Variants in ZNF891 observed in about 807,000 individuals in gnomAD.
ZNF891 encodes the protein zinc finger protein 891, also known as hCG1646157.
For missense variants in ZNF891, 589 were observed against 632.7 expected (o/e 0.93, Z 0.74); for synonymous variants, 199 against 209.0 (o/e 0.95, Z 0.41).
In ZNF891 at chr12:133,121,284, G is replaced by A. The variant is rs1392212014; in HGVS notation, c.635C>T (p.Thr212Ile). The A allele has an allele frequency of 2.6e-6, 4 of 1,535,568 alleles. No individual in the cohort carries two copies. The Admixed American group carries it at 5.9e-5, about 23-fold the overall frequency. The change falls in exon 2 of 2, where the codon ACC becomes ATC. Residue 212 changes from threonine (T) to isoleucine (I), a missense_variant. By Grantham distance (89) the Thr-to-Ile change is moderately conservative (BLOSUM62 -1). Transcript: ENST00000537226. Reference protein sequence around the residue: ...SKLIFSQSIFTSKHCQKCYSE... With the variant: ...SKLIFSQSIFISKHCQKCYSE... ...GTAACATTTTTGGCAATGTTTACTGGTGAAAATGCTCTGTGAAAAAATAAG... is the reference window on the plus strand; with the variant it reads ...GTAACATTTTTGGCAATGTTTACTGATGAAAATGCTCTGTGAAAAAATAAG...
rs539483908 is a variant in ZNF891 at position 133,110,479 on chromosome 12, T to G, written c.*9805A>C. ...TGCAGAAAGGCGACAGAACAACAGA[T>G]GCAATCAATATTAGTAAAGAATAGT... On this transcript the variant is annotated 3_prime_UTR_variant, in exon 2 of 2. Coordinates refer to ENST00000537226, the MANE Select transcript of ZNF891 (RefSeq NM_001277291.2). 1 of 152,318 alleles carries G rather than the reference T, an allele frequency of 6.6e-6. No individual in the cohort carries two copies. The highest frequency in any genetic ancestry group is 2.4e-5 in the African/African-American group (1 of 41,576). The allele number at this position is 152,318 out of a possible 1,614,324, so 9.4% of individuals were successfully genotyped here.
intron 1 of ZNF891, among the ~76,000 whole-genome samples, chr12:133,122,575 A>G (rs1056414241): frequency 6.6e-6 from 1 of 152,164 alleles, no homozygotes; most frequent in African/African-American, 2.4e-5. Context: ...CAGGGTGGGG[A>G]ACACGCACTG....
chr12:133,113,837 C>G lies in ZNF891; in HGVS notation c.*6447G>C, dbSNP rs1448997699. 1 of 152,184 alleles carries G rather than the reference C, an allele frequency of 6.6e-6. No individual in the cohort carries two copies. The highest frequency in any genetic ancestry group is 1.5e-5 in the Non-Finnish European group (1 of 68,114). 9.4% of individuals were successfully genotyped at this position (152,184 alleles called of 1,614,324 possible). On this transcript the variant is annotated 3_prime_UTR_variant, in exon 2 of 2. Transcript: ENST00000537226. ...ACTGCAGCTCAAGTGATCCTCCTAC[C>G]CCAGCATCCCTAGTGGCTGGGACCA...
At position 133,114,925 on chromosome 12, in the gene ZNF891, G is replaced by A. The variant is rs909785966; in HGVS notation, c.*5359C>T. The A allele has an allele frequency of 6.6e-6, 1 of 152,212 alleles. No homozygotes were observed. Among genetic ancestry groups the A allele is most frequent in the African/African-American group, 2.4e-5 (1 of 41,448 alleles). 9.4% of individuals were successfully genotyped at this position (152,212 alleles called of 1,614,324 possible). On this transcript the variant is annotated 3_prime_UTR_variant, in exon 2 of 2. Transcript: ENST00000537226. ...CTTTAGATGGATCACCCTGGGAAGT[G>A]TAGAGAACAGTTGATAGGAAAGCAC...
In ZNF891 at chr12:133,119,598, T is replaced by C. The variant is rs1955736470; in HGVS notation, c.*686A>G. On this transcript the variant is annotated 3_prime_UTR_variant, in exon 2 of 2. Coordinates refer to ENST00000537226, the MANE Select transcript of ZNF891 (RefSeq NM_001277291.2). ...ATGTAGGAACATATCCAGATACAAG[T>C]AGTGCAGGGCTGGTACAACTATTTA... 6.6e-6 allele frequency: 1 copy of C among 152,160 alleles called. No homozygotes were observed. Among genetic ancestry groups the C allele is most frequent in the African/African-American group, 2.4e-5 (1 of 41,448 alleles). 9.4% of individuals were successfully genotyped at this position (152,160 alleles called of 1,614,324 possible).
intron 1 of ZNF891, among the ~76,000 whole-genome samples, chr12:133,126,269 A>T (rs1251885576): frequency 1.3e-5 from 2 of 151,994 alleles, no homozygotes; most frequent in Non-Finnish European, 2.9e-5. Flanking sequence ...TGAGGTCAGG[A>T]GATCGAGACC....
intron 1 of ZNF891, among the ~76,000 whole-genome samples, chr12:133,122,709 T>C (rs1368587734): frequency 6.6e-6 from 1 of 152,198 alleles, no homozygotes; most frequent in East Asian, 1.9e-4. Flanking sequence ...CTGCGCATTC[T>C]GCACATGTAC....
chr12:133,105,665 C>A lies in ZNF891; in HGVS notation c.*14619G>T. On this transcript the variant is annotated 3_prime_UTR_variant, in exon 2 of 2. Coordinates refer to ENST00000537226, the MANE Select transcript of ZNF891 (RefSeq NM_001277291.2). ...GAAATGCAAGGATCATACTGAGATG[C>A]TGCAAGAAAATCAGGGATGTATTAG... The A allele has an allele frequency of 6.2e-7, 1 of 1,614,116 alleles. No homozygotes were observed. The highest frequency in any genetic ancestry group is 1.1e-5 in the South Asian group (1 of 91,082).
Position 133,106,329 on chromosome 12 carries a change from A to G in ZNF891, c.*13955T>C. On this transcript the variant is annotated 3_prime_UTR_variant, in exon 2 of 2. Coordinates refer to ENST00000537226, the MANE Select transcript of ZNF891 (RefSeq NM_001277291.2). ...TTCCTTATTAAACATCAGAGAATTC[A>G]TGCTGGAGAAAAGCTCTATGAATGT... The G allele has an allele frequency of 6.2e-7, 1 of 1,614,220 alleles. No homozygotes were observed. Among genetic ancestry groups the G allele is most frequent in the Non-Finnish European group, 8.5e-7 (1 of 1,180,030 alleles).
intron 1 of ZNF891, chr12:133,122,291 G>A (rs1389962679): frequency 1.1e-6 from 1 of 947,390 alleles, no homozygotes; most frequent in South Asian, 4.9e-5. Context: ...TTTTAAAAAT[G>A]TAAACTAAAG....
rs898714796 is a variant in ZNF891, at chr12:133,106,805, A to C, written c.*13479T>G. ...CTTTATTCACCACCCTGGAGAAAAA[A>C]AAACCCAGGAATATGTGGAAAAGCC... On this transcript the variant is annotated 3_prime_UTR_variant, in exon 2 of 2. Transcript: ENST00000537226. 5 of 603,098 alleles carry C rather than the reference A, an allele frequency of 8.3e-6. No individual in the cohort carries two copies. Among genetic ancestry groups the C allele is most frequent in the Non-Finnish European group, 1.3e-5 (5 of 387,632 alleles). 37.4% of individuals were successfully genotyped at this position (603,098 alleles called of 1,614,324 possible).
At chr12:133,124,551 T>C (rs768445081) in intron 1 of ZNF891, among the ~76,000 whole-genome samples, 1 of 151,654 alleles carries the variant, frequency 6.6e-6, no homozygotes, top group Non-Finnish European at 1.5e-5. Flanking sequence ...TCAAGAATAA[T>C]GTGTAAAACT....
In ZNF891 at chr12:133,114,221, G is replaced by C. The variant is rs1020222072; in HGVS notation, c.*6063C>G. On this transcript the variant is annotated 3_prime_UTR_variant, in exon 2 of 2. Transcript: ENST00000537226. ...AGGGAAGAGAGGAGAAGGACTAGGA[G>C]AGGGACATAATATAAATAACATTAA... 2 of 152,254 alleles carry C rather than the reference G, an allele frequency of 1.3e-5. No individual in the cohort carries two copies. The highest frequency in any genetic ancestry group is 4.8e-5 in the African/African-American group (2 of 41,470). The allele number at this position is 152,254 out of a possible 1,614,324, so 9.4% of individuals were successfully genotyped here. A position where few individuals can be genotyped will look rare whatever the true frequency, so the allele number is the denominator to read the frequency against.
intron 1 of ZNF891, 84 bp downstream of exon 1, chr12:133,130,143 C>T (rs994847682): frequency 2.0e-5 from 3 of 152,422 alleles, no homozygotes; most frequent in Middle Eastern, 3.1e-3. Flanking sequence ...GAGGCGATCC[C>T]TGCACGCAGG....
In ZNF891 at chr12:133,106,223, C is replaced by G; in HGVS notation, c.*14061G>C. Reference sequence around the variant, plus strand: ...GAAGGCATTTCGCCGTTTCTCACACCTTACTCGACATCAGAGCATCCATAC... The same window carrying G: ...GAAGGCATTTCGCCGTTTCTCACACGTTACTCGACATCAGAGCATCCATAC... On this transcript the variant is annotated 3_prime_UTR_variant, in exon 2 of 2. Coordinates refer to ENST00000537226, the MANE Select transcript of ZNF891 (RefSeq NM_001277291.2). The G allele has an allele frequency of 3.1e-6, 5 of 1,614,186 alleles. No individual in the cohort carries two copies. Among genetic ancestry groups the G allele is most frequent in the Non-Finnish European group, 4.2e-6 (5 of 1,180,020 alleles).
intron 1 of ZNF891, among the ~76,000 whole-genome samples, chr12:133,129,030 A>G (rs1955847113): frequency 6.6e-6 from 1 of 152,154 alleles, no homozygotes; most frequent in Admixed American, 6.5e-5. Context: ...CAATTACAGC[A>G]GTAAAATATT....
In ZNF891 at chr12:133,115,059, C is replaced by G. The variant is rs551832525; in HGVS notation, c.*5225G>C. The stretch of plus-strand genomic sequence containing the variant: ...ATAATCAAATACTAAGCAGCTATTA[C>G]AAATGAAATAGAACTACATGCACTG... On this transcript the variant is annotated 3_prime_UTR_variant, in exon 2 of 2. Transcript: ENST00000537226. The G allele has an allele frequency of 1.3e-5, 2 of 152,162 alleles. No individual in the cohort carries two copies. The highest frequency in any genetic ancestry group is 3.9e-4 in the East Asian group (2 of 5,176). 9.4% of individuals were successfully genotyped at this position (152,162 alleles called of 1,614,324 possible). A position where few individuals can be genotyped will look rare whatever the true frequency, so the allele number is the denominator to read the frequency against.
rs1316073911 is a variant in ZNF891, at chr12:133,120,716, C to T, written c.1203G>A (p.Glu401=). 7 of 1,566,266 alleles carry T rather than the reference C, an allele frequency of 4.5e-6. No individual in the cohort carries two copies. The highest frequency in any genetic ancestry group is 1.7e-4 in the Middle Eastern group (1 of 6,032). The part of the protein sequence containing the change: ...LKAHMRTHTG[E]KPYECNQCGK... ...CACACTGATTACATTCATAAGGTTT[C>T]TCTCCAGTGTGAGTTCTCATGTGAG... The change falls in exon 2 of 2, where the codon GAG becomes GAA. Residue 401 remains glutamate, a synonymous_variant. Coordinates refer to ENST00000537226, the MANE Select transcript of ZNF891 (RefSeq NM_001277291.2).
chr12:133,111,820 C>G lies in ZNF891; in HGVS notation c.*8464G>C, dbSNP rs530010004. The G allele has an allele frequency of 1.3e-5, 2 of 151,760 alleles. No homozygotes were observed. The highest frequency in any genetic ancestry group is 1.3e-4 in the Admixed American group (2 of 15,244). 9.4% of individuals were successfully genotyped at this position (151,760 alleles called of 1,614,324 possible). ...CTTATGGAAAAATTAAAAAGGAAAC[C>G]CAGTAACTTACAGAAAATTAAAAAA... On this transcript the variant is annotated 3_prime_UTR_variant, in exon 2 of 2. Coordinates refer to ENST00000537226, the MANE Select transcript of ZNF891 (RefSeq NM_001277291.2).
Sources: allele counts gnomAD v4.1 joint callset (sites outside exome capture counted in the v4.1 genomes callset), GRCh38; gene constraint gnomAD v4.1.1; transcripts MANE v1.5; gene names NCBI Gene and HGNC (gene_info 2026-07-23, HGNC 2026-07-21).